KLHL32: variants seen among roughly 807,000 people sequenced by gnomAD.
The protein encoded by KLHL32 is kelch-like protein 32.
Under a neutral mutation model 64.8 loss-of-function variants are expected in KLHL32, and 35 were observed. That is an observed-to-expected ratio of 0.54 (90% CI 0.41 to 0.72). The LOEUF is 0.72. Among genes scored for constraint, KLHL32 ranks in the 30% least tolerant of loss-of-function variants. KLHL32 has a pLI of 0.00. For synonymous variants in KLHL32, 259 were observed against 281.0 expected, an observed-to-expected ratio of 0.92 and a Z score of 0.78; for missense variants, 589 against 768.5, an observed-to-expected ratio of 0.77 and a Z score of 2.76.
At chr6:96,900,246 A>G in the KLHL32 span, among the ~76,000 whole-genome samples, 2 of 152,336 alleles carry the variant, frequency 1.3e-5, no homozygotes, top group African/African-American at 4.8e-5. Flanking sequence ...CAGATTAAAA[A>G]TATGTGTCTA....
chr6:97,046,207 G>A lies in KLHL32; in HGVS notation c.312+4608G>A, dbSNP rs76849888. ...GGGGACAGCACTAGGCACTTTATGC[G>A]TGCTGTTTAAACTAATCTTTAAAAC... On this transcript the variant is annotated intron_variant, in intron 4 of 10. Transcript: ENST00000369261. Among the ~76,000 whole-genome samples, 253 of 152,222 alleles carry A rather than the reference G, an allele frequency of 1.7e-3. 1 individual carries two copies. Among genetic ancestry groups the A allele is most frequent in the Non-Finnish European group, 2.4e-3 (166 of 68,008 alleles).
At chr6:97,040,845 C>A (rs1785006269) in intron 3 of KLHL32, among the ~76,000 whole-genome samples, 1 of 152,142 alleles carries the variant, frequency 6.6e-6, no homozygotes, top group Non-Finnish European at 1.5e-5. Flanking sequence ...AAGGGCTCTT[C>A]CCCTTCCCTC....
chr6:96,986,366 G>A (rs1354179378), intron 3 of KLHL32, among the ~76,000 whole-genome samples: 2 of 152,204 alleles, frequency 1.3e-5, no homozygotes, highest in African/African-American at 4.8e-5. Context: ...ATGTCCAACT[G>A]CATGCTGGGA....
At chr6:96,920,820 C>G (rs1768730692), upstream of KLHL32, among the ~76,000 whole-genome samples, 1 of 152,146 alleles carries the variant, frequency 6.6e-6, no homozygotes, top group Admixed American at 6.6e-5. Flanking sequence ...CCCCTTTTCT[C>G]TCTCAAATAT....
intron 4 of KLHL32, among the ~76,000 whole-genome samples, chr6:97,062,082 A>C (rs1788997846): frequency 6.6e-6 from 1 of 152,196 alleles, no homozygotes; most frequent in Non-Finnish European, 1.5e-5. Context: ...ACAAAACAAA[A>C]AATAAAAAAA....
At chr6:97,020,015 T>G (rs1337031122) in intron 3 of KLHL32, among the ~76,000 whole-genome samples, 1 of 150,402 alleles carries the variant, frequency 6.6e-6, no homozygotes, top group African/African-American at 2.5e-5. Flanking sequence ...CAATCTTGGC[T>G]CACTGCAACC....
intron 8 of KLHL32, among the ~76,000 whole-genome samples, chr6:97,127,821 A>C (rs1321933887): frequency 1.3e-5 from 2 of 152,212 alleles, no homozygotes; most frequent in Non-Finnish European, 2.9e-5. Flanking sequence ...AATATAGCCC[A>C]AATGACCTAA....
At chr6:97,089,876 T>G (rs1388702391) in intron 6 of KLHL32, among the ~76,000 whole-genome samples, 1 of 152,154 alleles carries the variant, frequency 6.6e-6, no homozygotes, top group Non-Finnish European at 1.5e-5. Flanking sequence ...TTGCCTGGAC[T>G]TAAGTAGATA....
rs765741796 is a variant in KLHL32 at position 97,114,597 on chromosome 6, G to A, written c.1354+88G>A. The A allele has an allele frequency of 2.0e-6, 3 of 1,485,268 alleles. No homozygotes were observed. The Admixed American group carries it at 5.1e-5, about 25-fold the overall frequency. 92.0% of individuals were successfully genotyped at this position (1,485,268 alleles called of 1,614,324 possible). A position where few individuals can be genotyped will look rare whatever the true frequency, so the allele number is the denominator to read the frequency against. On this transcript the variant is annotated intron_variant, in intron 7 of 10. Transcript: ENST00000369261. ...TCAAGCTTTAATACTGTGGCCATGT[G>A]TAATTGAAAGATTGAACCAAGCATG... is the stretch of plus-strand genomic sequence containing the variant.
the KLHL32 span, among the ~76,000 whole-genome samples, chr6:96,904,869 A>G: frequency 6.6e-6 from 1 of 152,204 alleles, no homozygotes; most frequent in African/African-American, 2.4e-5. Context: ...TTCTTTCCCC[A>G]TAAACAACTG....
chr6:97,062,176 A>G (rs923743679), intron 4 of KLHL32, among the ~76,000 whole-genome samples: 4 of 152,168 alleles, frequency 2.6e-5, no homozygotes, highest in Admixed American at 2.6e-4. Context: ...GCTATGGAAT[A>G]TTCATCTTGT....
intron 2 of KLHL32, 99 bp downstream of exon 2, chr6:96,967,182 A>G (rs1774549315): frequency 2.0e-6 from 2 of 1,010,598 alleles, no homozygotes; most frequent in Admixed American, 1.9e-5. Context: ...CTTAATGCAT[A>G]TTTGAAGGAA....
chr6:96,991,843 C>T (rs1777911186), intron 3 of KLHL32, among the ~76,000 whole-genome samples: 1 of 152,090 alleles, frequency 6.6e-6, no homozygotes, highest in South Asian at 2.1e-4. Flanking sequence ...GAGGCCCTGC[C>T]CAGTGAGGAG....
intron 3 of KLHL32, among the ~76,000 whole-genome samples, chr6:97,033,706 T>C (rs1783908662): frequency 6.6e-6 from 1 of 152,094 alleles, no homozygotes; most frequent in Non-Finnish European, 1.5e-5. Flanking sequence ...GTCTTTTTGG[T>C]AATAATTATT....
Position 97,071,364 on chromosome 6 carries a change from G to A in KLHL32, c.411+6638G>A, listed in dbSNP as rs148580208. On this transcript the variant is annotated intron_variant, in intron 5 of 10. Transcript: ENST00000369261. Reference sequence around the variant, plus strand: ...CTTTCCTGCTCCTCTCTTTCTCGGGGCTCTCTCCTATTCTCCTCCTACTCA... The same window carrying A: ...CTTTCCTGCTCCTCTCTTTCTCGGGACTCTCTCCTATTCTCCTCCTACTCA... 6.6e-5 allele frequency among the ~76,000 whole-genome samples: 10 copies of A among 152,122 alleles called. No individual in the cohort carries two copies. The East Asian group carries it at 1.7e-3, about 26-fold the overall frequency.
intron 5 of KLHL32, among the ~76,000 whole-genome samples, chr6:97,067,061 C>T (rs1366482343): frequency 6.6e-6 from 1 of 152,138 alleles, no homozygotes; most frequent in East Asian, 1.9e-4. Flanking sequence ...GCCATTCTTT[C>T]TTTGGTTTCT....
chr6:97,025,046 A>T, intron 3 of KLHL32: 1 of 985,068 alleles, frequency 1.0e-6, no homozygotes, highest in Non-Finnish European at 1.2e-6. Flanking sequence ...TTTAAAGGAT[A>T]ATAAAGCTGA....
chr6:96,938,443 C>T (rs942629141), intron 1 of KLHL32, among the ~76,000 whole-genome samples: 3 of 152,144 alleles, frequency 2.0e-5, no homozygotes, highest in African/African-American at 7.2e-5. Context: ...CACCTTCCGG[C>T]ATGCTTCTCG....
intron 4 of KLHL32, among the ~76,000 whole-genome samples, chr6:97,063,307 T>C (rs576486139): frequency 4.1e-4 from 63 of 152,316 alleles, no homozygotes; most frequent in Non-Finnish European, 7.5e-4. Context: ...GACTGGCTGA[T>C]GGATTCGATA....
Sources: allele counts gnomAD v4.1 joint callset (sites outside exome capture counted in the v4.1 genomes callset), GRCh38; gene constraint gnomAD v4.1.1; transcripts MANE v1.5; gene names NCBI Gene and HGNC (gene_info 2026-07-23, HGNC 2026-07-21).